BACH2: variants seen among roughly 807,000 people sequenced by gnomAD.
BACH2 encodes transcription regulator protein BACH2.
BACH2 carries 5 observed loss-of-function variants against 61.8 expected under a neutral mutation model. The ratio of observed to expected loss-of-function variants is 0.08; its 90% CI spans 0.04 to 0.17. The LOEUF is 0.17. BACH2 is among the 10% of genes least tolerant of loss of function. The pLI, the probability that BACH2 is intolerant of heterozygous loss-of-function variation, is 1.00. For missense variants in BACH2, 824 were observed against 1,091.1 expected, an observed-to-expected ratio of 0.76 and a Z score of 3.45; for synonymous variants, 446 against 440.1, an observed-to-expected ratio of 1.01 and a Z score of -0.17.
In BACH2 at chr6:89,978,345, C is replaced by T. The variant is rs556802451; in HGVS notation, c.244-26483G>A. Among the ~76,000 whole-genome samples the T allele has an allele frequency of 1.4e-4, 22 of 152,180 alleles. No homozygotes were observed. In the South Asian group the frequency reaches 2.7e-3, roughly 19 times the overall value. ...CAACAGATCATAAAAATTCACACAC[C>T]AACTGCAGAAACACTGCCAAAAGCT... On this transcript the variant is annotated intron_variant, in intron 6 of 8. Transcript: ENST00000257749.
chr6:89,972,958 C>T (rs374990130), intron 6 of BACH2, among the ~76,000 whole-genome samples: 3 of 152,146 alleles, frequency 2.0e-5, no homozygotes, highest in South Asian at 2.1e-4. Flanking sequence ...GGCATGGTGG[C>T]GGGCACCTGT....
At chr6:90,026,969 G>A (rs1778668662) in intron 5 of BACH2, among the ~76,000 whole-genome samples, 1 of 152,160 alleles carries the variant, frequency 6.6e-6, no homozygotes, top group African/African-American at 2.4e-5. Context: ...ATCTAATGGG[G>A]TGAAAGTCAT....
In BACH2 at chr6:89,928,586, T is replaced by C. The variant is rs968922049; in HGVS notation, c.*3822A>G. The C allele has an allele frequency of 1.3e-5, 2 of 152,796 alleles. No individual in the cohort carries two copies. Among genetic ancestry groups the C allele is most frequent in the Non-Finnish European group, 2.9e-5 (2 of 68,044 alleles). The allele number at this position is 152,796 out of a possible 1,614,324, so 9.5% of individuals were successfully genotyped here. ...TTAGCCAGTCCTCTCATGAGTCTTG[T>C]CGCTGGTCCTGGCTCCTTTTGAAGG... On this transcript the variant is annotated 3_prime_UTR_variant, in exon 9 of 9. Transcript: ENST00000257749.
intron 6 of BACH2, among the ~76,000 whole-genome samples, chr6:89,971,954 C>A (rs1775385213): frequency 6.6e-6 from 1 of 152,172 alleles, no homozygotes; most frequent in South Asian, 2.1e-4. Context: ...AGTACAGCTG[C>A]TGGCGGAAGG....
At chr6:89,958,477 C>T (rs1355209478) in intron 6 of BACH2, among the ~76,000 whole-genome samples, 6 of 152,212 alleles carry the variant, frequency 3.9e-5, no homozygotes, top group Admixed American at 2.6e-4. Context: ...GGGATACTGA[C>T]AGTGCCTGCC....
At position 90,023,058 on chromosome 6, in the gene BACH2, G is replaced by A. The variant is rs74424233; in HGVS notation, c.-12-14202C>T. 5.2e-4 allele frequency among the ~76,000 whole-genome samples: 79 copies of A among 152,326 alleles called. No homozygotes were observed. The East Asian group carries it at 0.014, about 27-fold the overall frequency. ...GCAAATTAGAGCCACATGCAGCAAC[G>A]TGGAGGAGTTGCACAAACCTAATGC... On this transcript the variant is annotated intron_variant, in intron 5 of 8. Transcript: ENST00000257749.
At chr6:90,075,082 A>C (rs1266688299) in intron 5 of BACH2, among the ~76,000 whole-genome samples, 1 of 152,194 alleles carries the variant, frequency 6.6e-6, no homozygotes, top group African/African-American at 2.4e-5. Flanking sequence ...GAAAGAAAGA[A>C]GTCACAGGTG....
chr6:90,189,468 C>T (rs888765138), intron 4 of BACH2, among the ~76,000 whole-genome samples: 1 of 151,896 alleles, frequency 6.6e-6, no homozygotes, highest in African/African-American at 2.4e-5. Context: ...ATTAGCCGGG[C>T]GCGGTGGCGG....
At chr6:89,993,535 T>C (rs1776689848) in intron 6 of BACH2, among the ~76,000 whole-genome samples, 1 of 152,206 alleles carries the variant, frequency 6.6e-6, no homozygotes, top group African/African-American at 2.4e-5. Flanking sequence ...GAAGTCATTT[T>C]AAACATTAGC....
Position 89,951,288 on chromosome 6 carries a change from C to A in BACH2, c.818G>T (p.Gly273Val). 2 of 1,614,230 alleles carry A rather than the reference C, an allele frequency of 1.2e-6. No homozygotes were observed. The highest frequency in any genetic ancestry group is 1.7e-6 in the Non-Finnish European group (2 of 1,180,044). Residue 273 changes from glycine to valine, a missense_variant, in exon 7 of 9, where the codon GGG (glycine) becomes GTG (valine). Coordinates refer to ENST00000257749, the MANE Select transcript of BACH2 (RefSeq NM_021813.4). This position sits in a 1 kb window ranked among gnomAD's most constrained non-coding sequence, Gnocchi z 6.4. ...SNSLKPGLAR[G>V]QIKSEPPSEE... The stretch of plus-strand genomic sequence containing the variant: ...ACTGGGCGGCTCACTTTTAATCTGC[C>A]CCCTGGCAAGCCCCGGCTTGAGGCT...
chr6:89,979,043 G>C (rs1042612936), intron 6 of BACH2, among the ~76,000 whole-genome samples: 1 of 152,214 alleles, frequency 6.6e-6, no homozygotes, highest in African/African-American at 2.4e-5. Context: ...CCTAAGGAAA[G>C]TGTATGTTTC....
intron 1 of BACH2, among the ~76,000 whole-genome samples, chr6:90,292,136 T>C (rs1224654074): frequency 6.6e-6 from 1 of 152,224 alleles, no homozygotes; most frequent in Non-Finnish European, 1.5e-5. Context: ...CTGGACTGTG[T>C]AATGGAATGG....
chr6:90,120,228 A>C (rs1385575761), intron 4 of BACH2, among the ~76,000 whole-genome samples: 1 of 152,212 alleles, frequency 6.6e-6, no homozygotes, highest in Non-Finnish European at 1.5e-5. Flanking sequence ...ATCAAACATC[A>C]TAGGAAGAGG....
At chr6:90,016,062 T>A (rs937517482) in intron 5 of BACH2, among the ~76,000 whole-genome samples, 7 of 152,208 alleles carry the variant, frequency 4.6e-5, no homozygotes, top group African/African-American at 1.4e-4. Context: ...CTACTTTGTC[T>A]CATATTAACA....
At chr6:90,189,614 CAAAAAAAAAA>C (rs59022545) in intron 4 of BACH2, among the ~76,000 whole-genome samples, 3 of 47,772 alleles carry the variant, frequency 6.3e-5, no homozygotes, top group Non-Finnish European at 1.3e-4. Context: ...GACTCCGTCT[CAAAAAAAAAA>C]AAAAAAAAAA....
At chr6:90,228,274 C>T (rs1007233662) in intron 3 of BACH2, among the ~76,000 whole-genome samples, 2 of 152,188 alleles carry the variant, frequency 1.3e-5, no homozygotes, top group African/African-American at 2.4e-5. Context: ...ATCTGTAAGA[C>T]GCTATCAGCC....
rs1775108314 is a variant in BACH2, at chr6:89,967,523, T to C, written c.244-15661A>G. Among the ~76,000 whole-genome samples, 2 of 152,210 alleles carry C rather than the reference T, an allele frequency of 1.3e-5. 1 individual carries two copies. Among genetic ancestry groups the C allele is most frequent in the African/African-American group, 4.8e-5 (2 of 41,454 alleles). On this transcript the variant is annotated intron_variant, in intron 6 of 8. Transcript: ENST00000257749. ...TAAGCCCTCCAGTTTCCTTGCACTA[T>C]TATAGCAAGAAATGTCTGGTTCATG...
intron 4 of BACH2, among the ~76,000 whole-genome samples, chr6:90,137,483 AT>A (rs1417285860): frequency 6.6e-6 from 1 of 152,214 alleles, no homozygotes; most frequent in Non-Finnish European, 1.5e-5. Context: ...GGAGAATTGG[AT>A]CTAACTAGTT....
intron 6 of BACH2, among the ~76,000 whole-genome samples, chr6:89,984,876 C>T (rs1055391251): frequency 1.3e-5 from 2 of 152,182 alleles, no homozygotes; most frequent in African/African-American, 4.8e-5. Flanking sequence ...TTCTGCAATA[C>T]ATATTAAGAT....
Sources: allele counts gnomAD v4.1 joint callset (sites outside exome capture counted in the v4.1 genomes callset), GRCh38; gene constraint gnomAD v4.1.1; non-coding constraint Gnocchi (gnomAD v3.1); transcripts MANE v1.5; gene names NCBI Gene and HGNC (gene_info 2026-07-23, HGNC 2026-07-21).